Variants in STPG2 observed in about 807,000 individuals in gnomAD.
The protein encoded by STPG2 is sperm tail PG-rich repeat containing 2.
Under a neutral mutation model 54.2 loss-of-function variants are expected in STPG2, and 56 were observed. That is an observed-to-expected ratio of 1.03 (90% CI 0.83 to 1.29). The LOEUF (loss-of-function observed/expected upper bound fraction) is 1.29, where lower values mean the gene tolerates loss of function less well. STPG2 is among the 50% of genes most tolerant of loss of function. The pLI is 0.00. For missense variants in STPG2, 596 were observed against 544.9 expected (o/e 1.09, Z -0.93); for synonymous variants, 200 against 181.8 (o/e 1.10, Z -0.81).
intron 8 of STPG2, among the ~76,000 whole-genome samples, chr4:97,870,285 AT>A (rs1232916329): frequency 1.3e-5 from 2 of 151,534 alleles, no homozygotes; most frequent in African/African-American, 2.4e-5. Context: ...ATAACAAAAT[AT>A]TATGACAGAA....
intron 7 of STPG2, among the ~76,000 whole-genome samples, chr4:97,958,439 C>T (rs1384657251): frequency 1.3e-5 from 2 of 152,026 alleles, no homozygotes; most frequent in Non-Finnish European, 2.9e-5. Flanking sequence ...TTAAAAAATA[C>T]AGAATTGCAG....
intron 10 of STPG2, among the ~76,000 whole-genome samples, chr4:97,674,945 G>C (rs952375426): frequency 3.3e-5 from 5 of 152,122 alleles, no homozygotes; most frequent in Admixed American, 3.3e-4. Context: ...CTAAGGTAAA[G>C]CCATGCAATC....
At chr4:98,122,331 G>A (rs1739703592) in intron 3 of STPG2, among the ~76,000 whole-genome samples, 2 of 152,090 alleles carry the variant, frequency 1.3e-5, no homozygotes. Context: ...TCGGCTGTGG[G>A]TTTGTCATAT....
intron 10 of STPG2, among the ~76,000 whole-genome samples, chr4:97,578,626 G>T (rs1337828867): frequency 3.3e-5 from 5 of 150,892 alleles, no homozygotes; most frequent in African/African-American, 7.3e-5. Flanking sequence ...AGAATTATTG[G>T]CATGAACATA....
chr4:97,539,282 T>C (rs904767721), intron 4 of STPG2, among the ~76,000 whole-genome samples: 2 of 152,172 alleles, frequency 1.3e-5, no homozygotes, highest in East Asian at 1.9e-4. Context: ...ATCAGTGTGC[T>C]GTATTCAGGA....
rs1731516521 is a variant in STPG2 at position 97,908,047 on chromosome 4, A to G, written c.1044+35850T>C. Among the ~76,000 whole-genome samples, 3 of 152,264 alleles carry G rather than the reference A, an allele frequency of 2.0e-5. No homozygotes were observed. The South Asian group carries it at 6.2e-4, about 32-fold the overall frequency. ...TCTTATTAAACTAAAGAGCTTCTGC[A>G]CAGCAAAAGAAACTACCATCAGAGT... On this transcript the variant is annotated intron_variant, in intron 8 of 10. Coordinates refer to ENST00000295268, the MANE Select transcript of STPG2 (RefSeq NM_174952.3).
chr4:97,774,892 C>T (rs918508538), intron 9 of STPG2, among the ~76,000 whole-genome samples: 3 of 152,152 alleles, frequency 2.0e-5, no homozygotes, highest in Admixed American at 6.5e-5. Flanking sequence ...GTGGAAGGTG[C>T]AAAGTGCATC....
At chr4:97,966,158 C>A (rs945209216) in intron 7 of STPG2, among the ~76,000 whole-genome samples, 1 of 152,128 alleles carries the variant, frequency 6.6e-6, no homozygotes, top group Non-Finnish European at 1.5e-5. Flanking sequence ...GAATGGCTAA[C>A]TAGAATAAAC....
intron 10 of STPG2, among the ~76,000 whole-genome samples, chr4:97,613,227 T>C (rs1578424218): frequency 6.6e-6 from 1 of 152,236 alleles, no homozygotes; most frequent in South Asian, 2.1e-4. Context: ...TAGTTTCATC[T>C]GGTCTGTCAT....
chr4:97,901,355 A>G (rs573421856), intron 8 of STPG2, among the ~76,000 whole-genome samples: 18 of 152,128 alleles, frequency 1.2e-4, no homozygotes, highest in African/African-American at 3.9e-4. Flanking sequence ...AAGAAAAAAA[A>G]TAATAAAAGG....
Position 97,538,766 on chromosome 4 carries a change from G to A in STPG2, c.462+173933C>T, listed in dbSNP as rs191517549. Among the ~76,000 whole-genome samples, 172 of 152,224 alleles carry A rather than the reference G, an allele frequency of 1.1e-3. 3 individuals are homozygous for A. The highest frequency in any genetic ancestry group is 0.01 in the East Asian group (54 of 5,178). ...CAGATTCACCAAAGTTCAAATGAAGGAAAAAATGTTAAGGGCAGCCAGAGA... is the reference window on the plus strand; with the variant it reads ...CAGATTCACCAAAGTTCAAATGAAGAAAAAAATGTTAAGGGCAGCCAGAGA... On this transcript the variant is annotated intron_variant, in intron 4 of 4. Coordinates refer to the STPG2 transcript ENST00000522676.
At chr4:97,820,688 T>G (rs1296936919) in intron 9 of STPG2, among the ~76,000 whole-genome samples, 1 of 152,184 alleles carries the variant, frequency 6.6e-6, no homozygotes, top group Non-Finnish European at 1.5e-5. Context: ...GGCACTGACA[T>G]CTGCTTCAAT....
At chr4:98,063,823 T>C (rs759039525) in intron 5 of STPG2, among the ~76,000 whole-genome samples, 7 of 152,036 alleles carry the variant, frequency 4.6e-5, no homozygotes, top group Non-Finnish European at 1.0e-4. Context: ...GAGGATCTCT[T>C]GAGTCCAGGA....
chr4:97,684,726 T>C (rs1164381245), intron 10 of STPG2, among the ~76,000 whole-genome samples: 3 of 151,822 alleles, frequency 2.0e-5, no homozygotes, highest in African/African-American at 7.2e-5. Context: ...ACAACACATA[T>C]AAGCAAAAAT....
intron 9 of STPG2, among the ~76,000 whole-genome samples, chr4:97,769,301 A>T (rs1200218046): frequency 6.6e-6 from 1 of 152,128 alleles, no homozygotes; most frequent in Non-Finnish European, 1.5e-5. Context: ...TGGAGTACAT[A>T]TAAGTGTTCC....
chr4:98,025,800 C>T (rs1024366777), intron 5 of STPG2: 27 of 1,580,420 alleles, frequency 1.7e-5, no homozygotes, highest in Admixed American at 5.0e-5. Flanking sequence ...GATGGTCCGC[C>T]GGGTGCCTTT....
intron 4 of STPG2, among the ~76,000 whole-genome samples, chr4:97,488,420 C>CT (rs1730423684): frequency 1.3e-5 from 2 of 151,642 alleles, no homozygotes; most frequent in Non-Finnish European, 3.0e-5. Context: ...GAAGATCAAA[C>CT]AGTAATTTAT....
At chr4:97,759,000 T>C (rs1725812591) in intron 9 of STPG2, among the ~76,000 whole-genome samples, 4 of 152,152 alleles carry the variant, frequency 2.6e-5, no homozygotes, top group Admixed American at 6.6e-5. Context: ...ATAATATTTA[T>C]ATTAAATTCT....
At chr4:97,492,633 C>G (rs1464127331) in intron 4 of STPG2, among the ~76,000 whole-genome samples, 3 of 141,848 alleles carry the variant, frequency 2.1e-5, no homozygotes, top group African/African-American at 3.0e-5. Context: ...AATGCTCATT[C>G]AATGATAAAA....
Sources: allele counts gnomAD v4.1 joint callset (sites outside exome capture counted in the v4.1 genomes callset), GRCh38; gene constraint gnomAD v4.1.1; transcripts MANE v1.5; gene names NCBI Gene and HGNC (gene_info 2026-07-23, HGNC 2026-07-21).